The following KRT86 variants were observed in gnomAD, a reference collection of about 807,000 sequenced individuals.
KRT86 encodes the protein keratin, type II cuticular Hb6.
In KRT86, 30 loss-of-function variants were observed where a neutral mutation model predicts 41.2. That is an observed-to-expected ratio of 0.73 (90% confidence interval 0.54 to 0.99). KRT86 has a LOEUF of 0.99. KRT86 is among the 50% of genes least tolerant of loss of function. KRT86 has a pLI of 0.00. For synonymous variants in KRT86, 238 were observed against 238.1 expected, an observed-to-expected ratio of 1.00 and a Z score of 0.00; for missense variants, 561 against 571.4, an observed-to-expected ratio of 0.98 and a Z score of 0.19.
At chr12:52,283,392 C>CAAAAAAAAAA (rs1169224117) in intron 2 of KRT86, among the ~76,000 whole-genome samples, 39 of 39,468 alleles carry the variant, frequency 9.9e-4, no homozygotes, top group East Asian at 2.5e-3. Flanking sequence ...AACTGTCTCA[C>CAAAAAAAAAA]AAAAAAAAAA....
At chr12:52,280,926 G>A (rs149331503) in intron 2 of KRT86, among the ~76,000 whole-genome samples, 7 of 152,240 alleles carry the variant, frequency 4.6e-5, no homozygotes, top group South Asian at 2.1e-4. Context: ...TGCAACCTGC[G>A]TCACTCAGGA....
chr12:52,287,464 A>G (rs1937984305), intron 2 of KRT86: 2 of 1,580,234 alleles, frequency 1.3e-6, no homozygotes, highest in Admixed American at 1.8e-5. Flanking sequence ...TCATTGAGAG[A>G]CCACGACCAG....
At chr12:52,301,800 C>T (rs966236402) in intron 2 of KRT86, 113 bp from the exon 3 acceptor site, 13 of 1,608,894 alleles carry the variant, frequency 8.1e-6, no homozygotes, top group African/African-American at 5.3e-5. Context: ...CACAGTCTCC[C>T]CACTTATATA....
At chr12:52,299,069 T>G (rs1435771841) in intron 2 of KRT86, among the ~76,000 whole-genome samples, 5 of 152,222 alleles carry the variant, frequency 3.3e-5, no homozygotes, top group Non-Finnish European at 7.3e-5. Context: ...CTAACTGTAT[T>G]TTTGTACTCA....
At chr12:52,276,694 G>A (rs557446248) in intron 2 of KRT86, among the ~76,000 whole-genome samples, 2 of 152,284 alleles carry the variant, frequency 1.3e-5, no homozygotes, top group Admixed American at 1.3e-4. Flanking sequence ...GATGCTTCCA[G>A]CTAGGCCTCT....
At chr12:52,279,601 C>T (rs1937726023) in intron 2 of KRT86, among the ~76,000 whole-genome samples, 1 of 152,182 alleles carries the variant, frequency 6.6e-6, no homozygotes, top group African/African-American at 2.4e-5. Flanking sequence ...ACAGACAAAC[C>T]TGGCTGCGGT....
In KRT86 at chr12:52,304,984, C is replaced by T. The variant is rs762539212; in HGVS notation, c.692C>T (p.Ala231Val). The T allele has an allele frequency of 1.4e-5, 22 of 1,614,008 alleles. No individual in the cohort carries two copies. The highest frequency in any genetic ancestry group is 1.9e-5 in the Non-Finnish European group (22 of 1,180,008). The change falls in exon 6 of 11, where the codon GCC becomes GTC. Residue 231 changes from alanine to valine, a missense_variant. Ala to Val is a moderately conservative substitution (Grantham distance 64). Around this residue, in one of 3 missense-constraint regions of KRT86, gnomAD observed 397 missense variants for 375.9 expected, o/e 1.06. Coordinates refer to ENST00000423955, the MANE Select transcript of KRT86 (RefSeq NM_001320198.2). ...TCAGACCTGGAGGCCAATGTGGAGG[C>T]CCTGATCCAGGAGATCGACTTCCTG... ...RKSDLEANVEALIQEIDFLRR... is the reference protein window; with the variant it reads ...RKSDLEANVEVLIQEIDFLRR...
intron 9 of KRT86, 57 bp downstream of exon 9, chr12:52,306,337 G>C (rs748935967): frequency 3.7e-6 from 6 of 1,611,370 alleles, no homozygotes; most frequent in Non-Finnish European, 5.1e-6. Context: ...AGTGTGCTCT[G>C]TCCTCACACT....
At chr12:52,301,598 A>G (rs1938376858) in intron 2 of KRT86, among the ~76,000 whole-genome samples, 1 of 152,078 alleles carries the variant, frequency 6.6e-6, no homozygotes, top group Non-Finnish European at 1.5e-5. Flanking sequence ...AGTTTCCTCA[A>G]CTGTGTATTG....
chr12:52,302,952 T>C (rs1938419844), intron 3 of KRT86, 148 bp from the exon 4 acceptor site: 1 of 353,920 alleles, frequency 2.8e-6, no homozygotes, highest in African/African-American at 2.7e-5. Context: ...AATCCAGAAA[T>C]TGTCTGTCTC....
intron 2 of KRT86, among the ~76,000 whole-genome samples, chr12:52,291,923 AG>A (rs1489654107): frequency 2.0e-5 from 3 of 152,000 alleles, no homozygotes; most frequent in African/African-American, 4.8e-5. Context: ...ATGTGGGGAG[AG>A]GGGTTTCAGG....
intron 2 of KRT86, chr12:52,288,558 CT>C: frequency 1.4e-6 from 2 of 1,383,450 alleles, no homozygotes; most frequent in Non-Finnish European, 2.1e-6. Flanking sequence ...AAAGCAGTCC[CT>C]GGTGTCCCAT....
chr12:52,282,076 C>G (rs764765026), intron 2 of KRT86, among the ~76,000 whole-genome samples: 9 of 137,774 alleles, frequency 6.5e-5, no homozygotes, highest in Non-Finnish European at 1.6e-5. Context: ...CTTAGTCCCT[C>G]TGAGCCAAAG....
intron 2 of KRT86, among the ~76,000 whole-genome samples, chr12:52,294,230 T>C (rs1938199259): frequency 1.3e-5 from 2 of 152,106 alleles, no homozygotes; most frequent in Admixed American, 1.3e-4. Flanking sequence ...GCACTGTGAG[T>C]CAAAGTACAT....
chr12:52,279,813 C>G (rs1331746864), intron 2 of KRT86, among the ~76,000 whole-genome samples: 1 of 152,166 alleles, frequency 6.6e-6, no homozygotes, highest in Non-Finnish European at 1.5e-5. Flanking sequence ...TTCTGGGCAG[C>G]AGAGCTGAGA....
At position 52,305,777 on chromosome 12, in the gene KRT86, G is replaced by C. The variant is rs773921393; in HGVS notation, c.1015G>C (p.Ala339Pro). The part of the protein sequence containing the change: ...IQRLTAEVEN[A>P]KCQNSKLEAA... ...GAGGCTGACGGCTGAGGTGGAGAATGCCAAGTGCCAGGTATGGGGCATCTG... is the reference window on the plus strand; with the variant it reads ...GAGGCTGACGGCTGAGGTGGAGAATCCCAAGTGCCAGGTATGGGGCATCTG... Residue 339 changes from alanine (A) to proline (P), a missense_variant, in exon 8 of 11, where the codon GCC becomes CCC. Physicochemically the swap from Ala to Pro is conservative, Grantham distance 27. This residue lies in a region of KRT86 where 397 missense variants were observed against 375.9 expected (regional missense o/e 1.06). Transcript: ENST00000423955. The C allele has an allele frequency of 6.2e-7, 1 of 1,614,024 alleles. No homozygotes were observed. The highest frequency in any genetic ancestry group is 8.5e-7 in the Non-Finnish European group (1 of 1,179,876).
chr12:52,295,595 T>C (rs1325105482), intron 2 of KRT86, among the ~76,000 whole-genome samples: 1 of 152,106 alleles, frequency 6.6e-6, no homozygotes, highest in Non-Finnish European at 1.5e-5. Context: ...ATAGGAGAGC[T>C]CACCCTTGTT....
At chr12:52,287,183 T>TG (rs1937972772) in intron 2 of KRT86, 1 of 1,613,640 alleles carries the variant, frequency 6.2e-7, no homozygotes, top group Admixed American at 1.7e-5. Context: ...CACCTCCTGG[T>TG]ACTCCCTGAT....
Position 52,308,784 on chromosome 12 carries a change from C to A in KRT86, c.*199C>A. On this transcript the variant is annotated 3_prime_UTR_variant, in exon 11 of 11. Transcript: ENST00000423955. ...GGGGAGGGCCGGGAGGCGCCATGGT[C>A]TCTCTCTGTAGCCTTTCCTGGTAGT... The A allele has an allele frequency of 1.3e-5, 8 of 598,682 alleles. No individual in the cohort carries two copies. In the South Asian group the frequency reaches 1.6e-4, roughly 12 times the overall value. The allele number at this position is 598,682 out of a possible 1,614,324, so 37.1% of individuals were successfully genotyped here. A position where few individuals can be genotyped will look rare whatever the true frequency, so the allele number is the denominator to read the frequency against.
Sources: gnomAD v4.1 joint callset for allele counts (sites outside exome capture counted in the v4.1 genomes callset) on GRCh38, gnomAD v4.1.1 for gene constraint, gnomAD v4.1.1 regional missense constraint, MANE v1.5 for transcripts, NCBI Gene and HGNC (gene_info 2026-07-23, HGNC 2026-07-21) for gene names.